The following ARHGAP15 variants were observed in gnomAD, a reference collection of about 807,000 sequenced individuals.
The protein encoded by ARHGAP15 is Rho GTPase activating protein 15.
A neutral mutation model predicts 63.7 loss-of-function variants in ARHGAP15; 51 were observed. The observed-to-expected ratio is 0.80, with a 90% confidence interval of 0.64 to 1.01. ARHGAP15 has a LOEUF of 1.01. ARHGAP15 is among the 50% of genes least tolerant of loss of function. The probability of loss-of-function intolerance (pLI) is 0.00; values close to 1 mark genes in which losing one functional copy is unlikely to be tolerated. For synonymous variants in ARHGAP15, 191 were observed against 193.8 expected (o/e 0.99, Z 0.12); for missense variants, 560 against 564.6 (o/e 0.99, Z 0.08).
chr2:143,548,745 A>C (rs987596632), intron 10 of ARHGAP15, among the ~76,000 whole-genome samples: 1 of 152,142 alleles, frequency 6.6e-6, no homozygotes, highest in African/African-American at 2.4e-5. Context: ...AAAATAATAA[A>C]GGAAAAATTG....
At chr2:143,430,119 A>C (rs1689317397) in intron 6 of ARHGAP15, among the ~76,000 whole-genome samples, 1 of 152,022 alleles carries the variant, frequency 6.6e-6, no homozygotes, top group African/African-American at 2.4e-5. Flanking sequence ...AACTTTTCAA[A>C]ACTTTCATGA....
intron 6 of ARHGAP15, among the ~76,000 whole-genome samples, chr2:143,416,887 A>G (rs1688714535): frequency 7.2e-6 from 1 of 139,308 alleles, no homozygotes; most frequent in Non-Finnish European, 1.5e-5. Flanking sequence ...GCTTAGGATC[A>G]GGCAACAGAT....
At chr2:143,529,957 C>T (rs12691683) in intron 10 of ARHGAP15, among the ~76,000 whole-genome samples, 47,605 of 151,862 alleles carry the variant, frequency 0.31, 7,995 homozygotes, top group East Asian at 0.42. Flanking sequence ...GTTGGATCAC[C>T]CCGTCCCCAC....
At chr2:143,320,111 A>G (rs572090900) in intron 6 of ARHGAP15, among the ~76,000 whole-genome samples, 1 of 152,324 alleles carries the variant, frequency 6.6e-6, no homozygotes, top group East Asian at 1.9e-4. Context: ...AGTTCTTGGT[A>G]GGTAGAGAGA....
At chr2:143,488,049 T>TA (rs1692406104) in intron 9 of ARHGAP15, among the ~76,000 whole-genome samples, 1 of 152,204 alleles carries the variant, frequency 6.6e-6, no homozygotes, top group African/African-American at 2.4e-5. Context: ...GTTTTACAAA[T>TA]ATATGTAGAG....
intron 6 of ARHGAP15, among the ~76,000 whole-genome samples, chr2:143,383,161 T>C (rs1426223333): frequency 2.0e-5 from 3 of 152,324 alleles, no homozygotes; most frequent in African/African-American, 7.2e-5. Context: ...TTTTAAATTA[T>C]ACTAGGGATA....
At chr2:143,391,917 G>T (rs1475120418) in intron 6 of ARHGAP15, among the ~76,000 whole-genome samples, 1 of 152,116 alleles carries the variant, frequency 6.6e-6, no homozygotes. Flanking sequence ...ACCTGGGAAA[G>T]GTTATTCTTG....
chr2:143,564,621 AT>A (rs367565227), intron 11 of ARHGAP15, among the ~76,000 whole-genome samples: 1 of 152,054 alleles, frequency 6.6e-6, no homozygotes, highest in African/African-American at 2.4e-5. Flanking sequence ...CATATACAAG[AT>A]TTGCATTTGA....
intron 8 of ARHGAP15, among the ~76,000 whole-genome samples, chr2:143,479,545 A>C (rs911959651): frequency 6.6e-6 from 1 of 151,676 alleles, no homozygotes; most frequent in Non-Finnish European, 1.5e-5. Context: ...TCTTTTTTTT[A>C]GTAATTCAGC....
At chr2:143,290,124 A>T (rs1351913602) in intron 6 of ARHGAP15, among the ~76,000 whole-genome samples, 1 of 152,134 alleles carries the variant, frequency 6.6e-6, no homozygotes, top group Non-Finnish European at 1.5e-5. Flanking sequence ...GCAGATAGCA[A>T]ACTATCTAGT....
chr2:143,539,248 C>T (rs1022004537), intron 10 of ARHGAP15, among the ~76,000 whole-genome samples: 41 of 152,100 alleles, frequency 2.7e-4, no homozygotes, highest in Middle Eastern at 3.4e-3. Context: ...TTTTTTATTG[C>T]GTCTATTTGA....
At chr2:143,456,518 T>A (rs2105146368) in intron 8 of ARHGAP15, among the ~76,000 whole-genome samples, 1 of 152,126 alleles carries the variant, frequency 6.6e-6, no homozygotes, top group South Asian at 2.1e-4. Context: ...AAAATTGTAA[T>A]CAATCTATAT....
chr2:143,575,671 T>C (rs1392857210), intron 11 of ARHGAP15, among the ~76,000 whole-genome samples: 1 of 152,122 alleles, frequency 6.6e-6, no homozygotes, highest in East Asian at 1.9e-4. Context: ...TTACTCTTCT[T>C]AGCGACACAT....
At chr2:143,552,038 G>A (rs1307397225) in intron 10 of ARHGAP15, among the ~76,000 whole-genome samples, 1 of 152,120 alleles carries the variant, frequency 6.6e-6, no homozygotes, top group Non-Finnish European at 1.5e-5. Context: ...GAGTGTTCCC[G>A]TGCTCAAAGA....
At chr2:143,516,237 A>G (rs1693813706) in intron 9 of ARHGAP15, among the ~76,000 whole-genome samples, 1 of 152,250 alleles carries the variant, frequency 6.6e-6, no homozygotes, top group African/African-American at 2.4e-5. Context: ...CTAGCTCTAA[A>G]TACAGTATAG....
intron 2 of ARHGAP15, chr2:143,162,597 C>T (rs182788196): frequency 1.5e-3 from 221 of 152,132 alleles, no homozygotes; most frequent in African/African-American, 5.2e-3. Context: ...CCCTGATGTT[C>T]ATAATCAGTA....
At chr2:143,204,573 G>A (rs1231810998) in intron 3 of ARHGAP15, among the ~76,000 whole-genome samples, 1 of 152,044 alleles carries the variant, frequency 6.6e-6, no homozygotes, top group Non-Finnish European at 1.5e-5. Flanking sequence ...TTGGAGTTTA[G>A]GATTTCAACA....
chr2:143,419,329 T>TTAG (rs1159520329), intron 6 of ARHGAP15, among the ~76,000 whole-genome samples: 1 of 152,114 alleles, frequency 6.6e-6, no homozygotes, highest in African/African-American at 2.4e-5. Flanking sequence ...TAGAAAATGA[T>TTAG]TAGTAATGCA....
At position 143,330,133 on chromosome 2, in the gene ARHGAP15, C is replaced by CAAAAAAAAAAAAAAAAAAAAAAAAAAAA. The variant is rs1558898102; in HGVS notation, c.474+79538_474+79539insAAAAAAAAAAAAAAAAAAAAAAAAAAAA. Among the ~76,000 whole-genome samples the CAAAAAAAAAAAAAAAAAAAAAAAAAAAA allele has an allele frequency of 1.3e-3, 49 of 37,360 alleles. 5 individuals carry two copies. The highest frequency in any genetic ancestry group is 2.6e-3 in the East Asian group (3 of 1,164). The allele number at this position is 37,360 out of a possible 152,430, so 24.5% of individuals were successfully genotyped here. On this transcript the variant is annotated intron_variant, in intron 6 of 13. Transcript: ENST00000295095. The stretch of plus-strand genomic sequence containing the variant: ...AAAAAAAAAAAAAAAAAAAAAAAAC[C>CAAAAAAAAAAAAAAAAAAAAAAAAAAAA]AAAAACAAAAAACTAAACTAATGAT...
Sources: allele counts gnomAD v4.1 joint callset (sites outside exome capture counted in the v4.1 genomes callset), GRCh38; gene constraint gnomAD v4.1.1; transcripts MANE v1.5; gene names NCBI Gene and HGNC (gene_info 2026-07-23, HGNC 2026-07-21).